PDE3B: variants seen among roughly 807,000 people sequenced by gnomAD.
PDE3B encodes the protein cGMP-inhibited 3',5'-cyclic phosphodiesterase 3B.
In PDE3B, 66 loss-of-function variants were observed where a neutral mutation model predicts 116.8. The observed-to-expected ratio is 0.56, with a 90% CI of 0.46 to 0.69. PDE3B has a LOEUF of 0.69. PDE3B is among the 30% of genes least tolerant of loss of function. PDE3B has a pLI of 0.00. For missense variants in PDE3B, 1,384 were observed against 1,368.1 expected (o/e 1.01, Z -0.18); for synonymous variants, 595 against 533.6 (o/e 1.12, Z -1.59).
At chr11:14,786,338 C>A in intron 2 of PDE3B, 99 bp from the exon 3 acceptor site, 1 of 774,576 alleles carries the variant, frequency 1.3e-6, no homozygotes, top group Non-Finnish European at 1.9e-6. Flanking sequence ...TTATTTGCTA[C>A]ATATATATAT....
intron 12 of PDE3B, among the ~76,000 whole-genome samples, chr11:14,849,184 A>G (rs1464177928): frequency 2.8e-5 from 4 of 145,148 alleles, no homozygotes; most frequent in Admixed American, 6.9e-5. Flanking sequence ...ATAACGCTGC[A>G]TATCTACAAC....
At chr11:14,867,449 G>A (rs1383246881) in intron 14 of PDE3B, 57 bp from the exon 15 acceptor site, 9 of 1,488,068 alleles carry the variant, frequency 6.0e-6, no homozygotes, top group Admixed American at 5.8e-5. Flanking sequence ...TAACAGCAAA[G>A]CTCAGTGGTG....
At chr11:14,791,253 G>T (rs1014343554) in intron 4 of PDE3B, among the ~76,000 whole-genome samples, 1 of 152,062 alleles carries the variant, frequency 6.6e-6, no homozygotes, top group African/African-American at 2.4e-5. Flanking sequence ...TAGTACTCCA[G>T]AATCGAGATC....
At chr11:14,892,424 T>C in the PDE3B span, among the ~76,000 whole-genome samples, 2 of 152,196 alleles carry the variant, frequency 1.3e-5, no homozygotes, top group African/African-American at 4.8e-5. Flanking sequence ...TGCTACCCTT[T>C]GGAGGTGGCG....
rs141099145 is a variant in PDE3B at position 14,787,261 on chromosome 11, T to C, written c.1278+576T>C. 4.6e-3 allele frequency among the ~76,000 whole-genome samples: 704 copies of C among 152,100 alleles called. 4 individuals carry two copies. Among genetic ancestry groups the C allele is most frequent in the African/African-American group, 0.015 (629 of 41,544 alleles). ...ATTTTCTTTAGAAAATAATAAATACTGTTCTAAATGGGTATGCATTATCCT... is the reference window on the plus strand; with the variant it reads ...ATTTTCTTTAGAAAATAATAAATACCGTTCTAAATGGGTATGCATTATCCT... On this transcript the variant is annotated intron_variant, in intron 3 of 15. Transcript: ENST00000282096.
intron 1 of PDE3B, among the ~76,000 whole-genome samples, chr11:14,715,776 C>G (rs1855862435): frequency 6.6e-6 from 1 of 152,126 alleles, no homozygotes; most frequent in Non-Finnish European, 1.5e-5. Flanking sequence ...TTGCCCTGGC[C>G]AGAACTTCCA....
At chr11:14,667,763 C>T (rs1268733307) in intron 1 of PDE3B, among the ~76,000 whole-genome samples, 1 of 151,538 alleles carries the variant, frequency 6.6e-6, no homozygotes, top group African/African-American at 2.4e-5. Flanking sequence ...GGGTGCAGCA[C>T]AGCAACATGG....
chr11:14,665,899 C>T (rs1854125296), intron 1 of PDE3B, among the ~76,000 whole-genome samples: 1 of 152,138 alleles, frequency 6.6e-6, no homozygotes, highest in Admixed American at 6.5e-5. Context: ...ATCAAGCTAC[C>T]AATGACTTTC....
intron 11 of PDE3B, among the ~76,000 whole-genome samples, chr11:14,842,114 T>C (rs903862377): frequency 2.6e-5 from 4 of 152,312 alleles, no homozygotes; most frequent in African/African-American, 9.6e-5. Context: ...TTCCTACATA[T>C]ACGAGATTAG....
At position 14,829,280 on chromosome 11, in the gene PDE3B, T is replaced by G. The variant is rs185615313; in HGVS notation, c.1808-1418T>G. Among the ~76,000 whole-genome samples the G allele has an allele frequency of 2.9e-3, 434 of 152,224 alleles. 4 individuals are homozygous for G. The highest frequency in any genetic ancestry group is 8.2e-3 in the African/African-American group (341 of 41,534). On this transcript the variant is annotated intron_variant, in intron 7 of 15. Transcript: ENST00000282096. ...TACATGCTTACCTATGTAACAAACC[T>G]GCACTTGTACCACTAAACTTAAAAA...
chr11:14,688,781 GTTT>G (rs1854964766), intron 1 of PDE3B, among the ~76,000 whole-genome samples: 1 of 151,916 alleles, frequency 6.6e-6, no homozygotes, highest in Non-Finnish European at 1.5e-5. Context: ...TGTTGTTGTT[GTTT>G]GTTTGTTTTG....
intron 1 of PDE3B, among the ~76,000 whole-genome samples, chr11:14,714,747 T>C (rs1041341609): frequency 1.3e-5 from 2 of 152,072 alleles, no homozygotes; most frequent in Non-Finnish European, 1.5e-5. Flanking sequence ...GACATATGGC[T>C]AGTGTGGCTG....
chr11:14,804,639 C>T (rs951880708), intron 5 of PDE3B, among the ~76,000 whole-genome samples: 1 of 151,762 alleles, frequency 6.6e-6, no homozygotes, highest in Non-Finnish European at 1.5e-5. Flanking sequence ...CTTTTATACA[C>T]AATAACCTAT....
At chr11:14,818,630 T>C (rs867322280) in intron 6 of PDE3B, among the ~76,000 whole-genome samples, 4 of 152,168 alleles carry the variant, frequency 2.6e-5, no homozygotes, top group Admixed American at 6.5e-5. Context: ...AATAAAGTAT[T>C]ACCAGTTTTC....
At chr11:14,693,099 T>C (rs1220425087) in intron 1 of PDE3B, among the ~76,000 whole-genome samples, 2 of 152,208 alleles carry the variant, frequency 1.3e-5, no homozygotes, top group Non-Finnish European at 2.9e-5. Flanking sequence ...AACATTTCCT[T>C]AAACCAAAGC....
At chr11:14,750,789 T>A (rs557145792) in intron 1 of PDE3B, among the ~76,000 whole-genome samples, 230 of 152,338 alleles carry the variant, frequency 1.5e-3, no homozygotes, top group African/African-American at 5.3e-3. Flanking sequence ...TAGAAAGGAA[T>A]ACATTTTATG....
chr11:14,813,951 A>G (rs1859236887), intron 5 of PDE3B, among the ~76,000 whole-genome samples: 1 of 152,224 alleles, frequency 6.6e-6, no homozygotes, highest in Non-Finnish European at 1.5e-5. Flanking sequence ...CAGGAATATA[A>G]AGTCTGTTTA....
Position 14,643,848 on chromosome 11 carries a change from G to C in PDE3B, c.-228G>C. ...GGGAAAAGGAGGCGGCAGCTAAACT[G>C]GTCCTGGAGAGAAGCCCCTTCCGCC... On this transcript the variant is annotated 5_prime_UTR_variant, in exon 1 of 16. Transcript: ENST00000282096. 1 of 526,538 alleles carries C rather than the reference G, an allele frequency of 1.9e-6. No individual in the cohort carries two copies. The highest frequency in any genetic ancestry group is 3.1e-6 in the Non-Finnish European group (1 of 322,270). 32.6% of individuals were successfully genotyped at this position (526,538 alleles called of 1,614,324 possible).
Position 14,789,126 on chromosome 11 carries a change from G to C in PDE3B, c.1299G>C (p.Leu433Phe). 6.2e-7 allele frequency: 1 copy of C among 1,609,486 alleles called. No homozygotes were observed. The highest frequency in any genetic ancestry group is 8.5e-7 in the Non-Finnish European group (1 of 1,177,466). Reference sequence around the variant, plus strand: ...AACAGGGACTAAATAGGAATAGTTTGCCAACTCCACAGCTGAGGAGAAGCT... The same window carrying C: ...AACAGGGACTAAATAGGAATAGTTTCCCAACTCCACAGCTGAGGAGAAGCT... ...KLNKGLNRNSLPTPQLRRSSG... is the reference protein window; with the variant it reads ...KLNKGLNRNSFPTPQLRRSSG... Residue 433 changes from leucine to phenylalanine, a missense_variant, in exon 4 of 16, where the codon TTG (leucine) becomes TTC (phenylalanine). Leu to Phe is a conservative substitution (Grantham distance 22). This residue lies in a region of PDE3B where 956 missense variants were observed against 806.8 expected (regional missense o/e 1.18). Transcript: ENST00000282096.
Sources: allele counts gnomAD v4.1 joint callset (sites outside exome capture counted in the v4.1 genomes callset), GRCh38; gene constraint gnomAD v4.1.1; regional missense constraint gnomAD v4.1.1; transcripts MANE v1.5; gene names NCBI Gene and HGNC (gene_info 2026-07-23, HGNC 2026-07-21).